The following SLC24A2 variants were observed in gnomAD, a reference collection of about 807,000 sequenced individuals.
The protein encoded by SLC24A2 is solute carrier family 24 member 2, also known as sodium/potassium/calcium exchanger 2.
Under a neutral mutation model 62.0 loss-of-function variants are expected in SLC24A2, and 36 were observed. The observed-to-expected ratio is 0.58, with a 90% confidence interval of 0.44 to 0.77. The LOEUF (loss-of-function observed/expected upper bound fraction) is 0.77. Ranked by LOEUF, SLC24A2 falls within the 30% of genes least tolerant of loss-of-function variation. The pLI is 0.00. For missense variants in SLC24A2, 846 were observed against 817.9 expected, an observed-to-expected ratio of 1.03 and a Z score of -0.42; for synonymous variants, 358 against 294.0, an observed-to-expected ratio of 1.22 and a Z score of -2.23.
At chr9:20,129,215 G>T in the SLC24A2 span, among the ~76,000 whole-genome samples, 1 of 152,032 alleles carries the variant, frequency 6.6e-6, no homozygotes, top group Non-Finnish European at 1.5e-5. Context: ...TTAGTTATTA[G>T]GGAAGTGCAA....
the SLC24A2 span, among the ~76,000 whole-genome samples, chr9:20,260,862 T>TTTTC: frequency 7.0e-6 from 1 of 142,674 alleles, no homozygotes; most frequent in Non-Finnish European, 1.5e-5. Context: ...TTTTTTTTTT[T>TTTTC]TTTTTTTTTT....
At chr9:20,007,189 T>C in the SLC24A2 span, among the ~76,000 whole-genome samples, 1 of 152,166 alleles carries the variant, frequency 6.6e-6, no homozygotes, top group African/African-American at 2.4e-5. Flanking sequence ...TTTCACAAGA[T>C]CAATTTTGAC....
At chr9:20,217,193 G>T in the SLC24A2 span, among the ~76,000 whole-genome samples, 1 of 152,126 alleles carries the variant, frequency 6.6e-6, no homozygotes, top group African/African-American at 2.4e-5. Flanking sequence ...AATATAATGT[G>T]GGGTAAAAGA....
chr9:20,065,222 C>T, the SLC24A2 span, among the ~76,000 whole-genome samples: 1 of 152,296 alleles, frequency 6.6e-6, no homozygotes, highest in East Asian at 1.9e-4. Flanking sequence ...CCGAGTGGCC[C>T]CACTTCCTCT....
chr9:19,577,339 A>G (rs1025657388), intron 5 of SLC24A2, among the ~76,000 whole-genome samples: 3 of 152,176 alleles, frequency 2.0e-5, no homozygotes, highest in Admixed American at 1.3e-4. Context: ...CTCTGGAGGC[A>G]TGGCCATTTC....
intron 2 of SLC24A2, among the ~76,000 whole-genome samples, chr9:19,759,484 T>C (rs1822246976): frequency 6.6e-6 from 1 of 152,210 alleles, no homozygotes; most frequent in South Asian, 2.1e-4. Context: ...AGCAGAACAA[T>C]ATTCTTTAGT....
the SLC24A2 span, among the ~76,000 whole-genome samples, chr9:20,077,104 T>C: frequency 7.9e-5 from 12 of 151,536 alleles, no homozygotes; most frequent in Non-Finnish European, 1.5e-4. Flanking sequence ...AAGGTTCAAA[T>C]AGAGAATAAA....
intron 2 of SLC24A2, among the ~76,000 whole-genome samples, chr9:19,695,592 C>T (rs1820165483): frequency 7.0e-6 from 1 of 142,662 alleles, no homozygotes; most frequent in African/African-American, 2.6e-5. Flanking sequence ...AGCAATTCTG[C>T]TTGTAGGGAT....
At chr9:19,890,202 G>A in the SLC24A2 span, among the ~76,000 whole-genome samples, 1 of 152,180 alleles carries the variant, frequency 6.6e-6, no homozygotes. Flanking sequence ...TGGAGAAAGA[G>A]TCAATAAGAG....
chr9:20,022,307 C>A, the SLC24A2 span, among the ~76,000 whole-genome samples: 1 of 152,164 alleles, frequency 6.6e-6, no homozygotes, highest in African/African-American at 2.4e-5. Flanking sequence ...CAATCCTTAT[C>A]ATATAATAGG....
intron 7 of SLC24A2, among the ~76,000 whole-genome samples, chr9:19,554,380 G>C (rs1369435441): frequency 6.6e-6 from 1 of 152,192 alleles, no homozygotes; most frequent in Non-Finnish European, 1.5e-5. Context: ...AAGCAATCTA[G>C]AGATGATTTA....
the SLC24A2 span, among the ~76,000 whole-genome samples, chr9:20,014,772 AC>A: frequency 2.0e-5 from 3 of 152,136 alleles, no homozygotes; most frequent in Non-Finnish European, 4.4e-5. Flanking sequence ...TCCAAAGGGT[AC>A]AAAGTTTCAG....
chr9:20,161,629 A>G, the SLC24A2 span, among the ~76,000 whole-genome samples: 1 of 151,418 alleles, frequency 6.6e-6, no homozygotes, highest in Non-Finnish European at 1.5e-5. Flanking sequence ...TTACCTCCTT[A>G]AATCCTGAAA....
At chr9:20,269,221 T>C in the SLC24A2 span, among the ~76,000 whole-genome samples, 1 of 152,100 alleles carries the variant, frequency 6.6e-6, no homozygotes, top group Non-Finnish European at 1.5e-5. Context: ...TTTGTGGCTC[T>C]CCCTTAATAT....
At chr9:19,740,581 G>T (rs1181189478) in intron 2 of SLC24A2, among the ~76,000 whole-genome samples, 1 of 152,166 alleles carries the variant, frequency 6.6e-6, no homozygotes, top group Non-Finnish European at 1.5e-5. Flanking sequence ...CTACAGAGGG[G>T]GCTCTGGGTG....
At chr9:19,622,818 C>T (rs1046097101) in intron 2 of SLC24A2, among the ~76,000 whole-genome samples, 5 of 151,844 alleles carry the variant, frequency 3.3e-5, no homozygotes, top group Non-Finnish European at 7.4e-5. Context: ...ATGTCATTTT[C>T]TATATGTTTT....
At chr9:19,777,135 A>G (rs1822868954) in intron 2 of SLC24A2, among the ~76,000 whole-genome samples, 1 of 152,238 alleles carries the variant, frequency 6.6e-6, no homozygotes, top group Non-Finnish European at 1.5e-5. Flanking sequence ...AGTGATTCTC[A>G]GCATATATTT....
the SLC24A2 span, among the ~76,000 whole-genome samples, chr9:20,303,278 C>T: frequency 6.6e-6 from 1 of 152,146 alleles, no homozygotes; most frequent in Non-Finnish European, 1.5e-5. Context: ...GTACATCCCT[C>T]CTCCCACCTG....
intron 2 of SLC24A2, among the ~76,000 whole-genome samples, chr9:19,724,409 G>T (rs1163471067): frequency 6.6e-6 from 1 of 152,134 alleles, no homozygotes; most frequent in East Asian, 1.9e-4. Context: ...TGCCTTCAAA[G>T]ATTAAAATTC....
Sources: gnomAD v4.1 joint callset for allele counts (sites outside exome capture counted in the v4.1 genomes callset) on GRCh38, gnomAD v4.1.1 for gene constraint, MANE v1.5 for transcripts, NCBI Gene and HGNC (gene_info 2026-07-23, HGNC 2026-07-21) for gene names.